NRG1: variants seen among roughly 807,000 people sequenced by gnomAD.
NRG1 encodes the protein neuregulin 1.
A neutral mutation model predicts 63.8 loss-of-function variants in NRG1; 18 were observed. That is an observed-to-expected ratio of 0.28 (90% CI 0.19 to 0.42). The LOEUF is 0.42. NRG1 is among the 10% of genes least tolerant of loss of function. The probability of loss-of-function intolerance (pLI) is 1.00; values close to 1 mark genes in which losing one functional copy is unlikely to be tolerated. For synonymous variants in NRG1, 302 were observed against 301.3 expected (o/e 1.00, Z -0.02); for missense variants, 762 against 814.7 (o/e 0.94, Z 0.79).
intron 1 of NRG1, among the ~76,000 whole-genome samples, chr8:32,379,523 G>GA (rs1810070007): frequency 6.6e-6 from 1 of 152,106 alleles, no homozygotes; most frequent in Non-Finnish European, 1.5e-5. Context: ...AGAATGAATG[G>GA]AAAAATCCTC....
intron 1 of NRG1, among the ~76,000 whole-genome samples, chr8:31,794,132 G>A (rs1820973687): frequency 6.6e-6 from 1 of 152,114 alleles, no homozygotes; most frequent in Admixed American, 6.6e-5. Context: ...GAAAGGCATG[G>A]TTTGTATTAC....
chr8:32,690,138 C>A (rs992334543), intron 5 of NRG1, among the ~76,000 whole-genome samples: 2 of 152,206 alleles, frequency 1.3e-5, no homozygotes, highest in African/African-American at 4.8e-5. Flanking sequence ...CTACTCCATG[C>A]TGATTTAGAT....
At chr8:31,985,819 C>T (rs757081654) in intron 1 of NRG1, among the ~76,000 whole-genome samples, 32 of 152,000 alleles carry the variant, frequency 2.1e-4, no homozygotes, top group Non-Finnish European at 4.3e-4. Flanking sequence ...TTATATTGTC[C>T]GTTCTTAGGG....
intron 1 of NRG1, among the ~76,000 whole-genome samples, chr8:32,027,409 C>CT: frequency 6.8e-6 from 1 of 146,080 alleles, no homozygotes; most frequent in African/African-American, 2.6e-5. Context: ...AATTTCCTTC[C>CT]TTCCCTCCTT....
At chr8:31,702,557 C>T (rs1189671771) in intron 1 of NRG1, among the ~76,000 whole-genome samples, 1 of 151,540 alleles carries the variant, frequency 6.6e-6, no homozygotes, top group Admixed American at 6.6e-5. Flanking sequence ...ATATTAATGG[C>T]CATTGGTCAT....
intron 1 of NRG1, among the ~76,000 whole-genome samples, chr8:32,571,573 A>G (rs1298523962): frequency 6.6e-6 from 1 of 151,832 alleles, no homozygotes; most frequent in African/African-American, 2.4e-5. Flanking sequence ...CGTATCAGCC[A>G]GCAGAAGCTA....
At chr8:31,873,556 C>T (rs1364393120) in intron 1 of NRG1, among the ~76,000 whole-genome samples, 1 of 152,124 alleles carries the variant, frequency 6.6e-6, no homozygotes, top group Non-Finnish European at 1.5e-5. Flanking sequence ...GAGACTCCGT[C>T]TGAAAAACAA....
At chr8:31,875,081 C>T (rs956365841) in intron 1 of NRG1, among the ~76,000 whole-genome samples, 4 of 152,130 alleles carry the variant, frequency 2.6e-5, no homozygotes, top group African/African-American at 4.8e-5. Context: ...TAAGTGATGC[C>T]GTTGAGGAAG....
chr8:32,251,565 G>A (rs1171399551), intron 1 of NRG1, among the ~76,000 whole-genome samples: 1 of 152,138 alleles, frequency 6.6e-6, no homozygotes, highest in African/African-American at 2.4e-5. Context: ...TCCTTTGGGT[G>A]TATACCCAGT....
chr8:31,643,477 CT>C (rs1803995400), intron 1 of NRG1, among the ~76,000 whole-genome samples: 1 of 152,182 alleles, frequency 6.6e-6, no homozygotes, highest in Non-Finnish European at 1.5e-5. Context: ...CTCTTTCCCC[CT>C]CATCTAATAT....
chr8:32,360,186 C>T (rs1346511711), intron 1 of NRG1, among the ~76,000 whole-genome samples: 1 of 152,142 alleles, frequency 6.6e-6, no homozygotes, highest in Non-Finnish European at 1.5e-5. Flanking sequence ...TTTCCAGGGG[C>T]CAAACCTGTA....
intron 1 of NRG1, among the ~76,000 whole-genome samples, chr8:31,801,648 C>T (rs1254631753): frequency 1.3e-5 from 2 of 152,108 alleles, no homozygotes; most frequent in Non-Finnish European, 2.9e-5. Flanking sequence ...TGGTATCCTT[C>T]TGTAGAGATG....
chr8:32,555,428 A>G (rs1834934608), intron 1 of NRG1, among the ~76,000 whole-genome samples: 1 of 152,188 alleles, frequency 6.6e-6, no homozygotes, highest in Admixed American at 6.5e-5. Flanking sequence ...ACATTTTTGA[A>G]CACAGGTTTG....
chr8:32,232,290 G>A (rs1278979355), intron 1 of NRG1, among the ~76,000 whole-genome samples: 2 of 152,170 alleles, frequency 1.3e-5, no homozygotes, highest in African/African-American at 2.4e-5. Context: ...GAAGTTCATG[G>A]AATCTTACAA....
intron 1 of NRG1, among the ~76,000 whole-genome samples, chr8:32,021,498 G>A (rs1486638653): frequency 2.0e-5 from 3 of 152,146 alleles, no homozygotes; most frequent in Non-Finnish European, 4.4e-5. Flanking sequence ...CATTCATGAA[G>A]GATCTGCCCT....
rs563005404 is a variant in NRG1 at position 32,718,150 on chromosome 8, G to A, written c.503-9799G>A. Among the ~76,000 whole-genome samples, 20 of 152,250 alleles carry A rather than the reference G, an allele frequency of 1.3e-4. No homozygotes were observed. In the East Asian group the frequency reaches 2.3e-3, roughly 18 times the overall value. On this transcript the variant is annotated intron_variant, in intron 5 of 11. Transcript: ENST00000356819. ...CTGTAACAGACGTTTTAGTGTTACC[G>A]GTGAGTATTGCATATTGAGAATGGG...
At chr8:32,705,333 A>G (rs1335114209) in intron 5 of NRG1, among the ~76,000 whole-genome samples, 2 of 151,982 alleles carry the variant, frequency 1.3e-5, no homozygotes, top group Non-Finnish European at 1.5e-5. Flanking sequence ...GGGTTTCACC[A>G]TGTTAGCCAG....
chr8:31,839,370 A>G (rs1825978700), intron 1 of NRG1, among the ~76,000 whole-genome samples: 1 of 152,204 alleles, frequency 6.6e-6, no homozygotes, highest in Non-Finnish European at 1.5e-5. Flanking sequence ...TTGAGCCACA[A>G]ATAAACAGAA....
intron 1 of NRG1, among the ~76,000 whole-genome samples, chr8:32,300,386 T>C (rs564799375): frequency 2.0e-5 from 3 of 152,324 alleles, no homozygotes; most frequent in Admixed American, 2.0e-4. Context: ...AGGATTAATT[T>C]TGGTTTTCTA....
Sources: gnomAD v4.1 joint callset for allele counts (sites outside exome capture counted in the v4.1 genomes callset) on GRCh38, gnomAD v4.1.1 for gene constraint, MANE v1.5 for transcripts, NCBI Gene and HGNC (gene_info 2026-07-23, HGNC 2026-07-21) for gene names.